Variants in UTRN observed in about 807,000 individuals in gnomAD.
The protein encoded by UTRN is dystrophin-related protein 1.
In UTRN, 283 loss-of-function variants were observed where a neutral mutation model predicts 463.9. That is an observed-to-expected ratio of 0.61 (90% CI 0.55 to 0.67). The LOEUF is 0.67. Among genes scored for constraint, UTRN ranks in the 30% least tolerant of loss-of-function variants. The pLI is 0.00. For missense variants in UTRN, 3,922 were observed against 4,084.3 expected, an observed-to-expected ratio of 0.96 and a Z score of 1.08; for synonymous variants, 1,442 against 1,431.5, an observed-to-expected ratio of 1.01 and a Z score of -0.17.
At chr6:144,408,519 T>C (rs1241135213) in intron 3 of UTRN, among the ~76,000 whole-genome samples, 1 of 152,254 alleles carries the variant, frequency 6.6e-6, no homozygotes, top group Admixed American at 6.5e-5. Context: ...GTAGAAAATA[T>C]GCAAAATTAA....
intron 2 of UTRN, among the ~76,000 whole-genome samples, chr6:144,371,571 C>T (rs1441316825): frequency 6.6e-6 from 1 of 152,200 alleles, no homozygotes; most frequent in Non-Finnish European, 1.5e-5. Context: ...ACCACCACAC[C>T]TGGCTAATTT....
In UTRN at chr6:144,438,309, A is replaced by T. The variant is rs146352097; in HGVS notation, c.1242-436A>T. Among the ~76,000 whole-genome samples the T allele has an allele frequency of 5.4e-3, 828 of 152,330 alleles. 1 individual carries two copies. Among genetic ancestry groups the T allele is most frequent in the Middle Eastern group, 0.01 (3 of 294 alleles). On this transcript the variant is annotated intron_variant, in intron 11 of 74. Transcript: ENST00000367545. Reference sequence around the variant, plus strand: ...TCATAGGGGCAGTTACTTATTTGCAATGTTAAGATTAGCTAAACATTAACT... The same window carrying T: ...TCATAGGGGCAGTTACTTATTTGCATTGTTAAGATTAGCTAAACATTAACT...
Position 144,577,074 on chromosome 6 carries a change from C to T in UTRN, c.7290-25C>T, listed in dbSNP as rs148417521. On this transcript the variant is annotated intron_variant, in intron 50 of 74. Coordinates refer to ENST00000367545, the MANE Select transcript of UTRN (RefSeq NM_007124.3). ...GTCACAACACTGTAAGTAATGGAGCCGTGCTGTCATATTGTTACTTTCAGT... is the reference window on the plus strand; with the variant it reads ...GTCACAACACTGTAAGTAATGGAGCTGTGCTGTCATATTGTTACTTTCAGT... 9,193 of 1,603,006 alleles carry T rather than the reference C, an allele frequency of 5.7e-3. 34 individuals carry two copies. Among genetic ancestry groups the T allele is most frequent in the Admixed American group, 0.011 (647 of 59,768 alleles).
At chr6:144,563,417 G>T (rs889718490) in intron 50 of UTRN, among the ~76,000 whole-genome samples, 2 of 152,142 alleles carry the variant, frequency 1.3e-5, no homozygotes, top group African/African-American at 4.8e-5. Context: ...ACAGTGATCA[G>T]TAGAAGATAC....
At chr6:144,626,788 C>T (rs571847251) in intron 51 of UTRN, among the ~76,000 whole-genome samples, 6 of 152,220 alleles carry the variant, frequency 3.9e-5, no homozygotes, top group African/African-American at 9.6e-5. Flanking sequence ...TACAGGCAAG[C>T]GCCACCACGC....
chr6:144,476,377 G>A (rs556744352), intron 25 of UTRN, among the ~76,000 whole-genome samples: 3 of 152,086 alleles, frequency 2.0e-5, no homozygotes, highest in Admixed American at 1.3e-4. Context: ...GAGGCTTAAC[G>A]AAGTAGTGAT....
chr6:144,836,512 C>T lies in UTRN; in HGVS notation c.10036C>T (p.Leu3346Phe), dbSNP rs1239156154. ...TCACAATAAACAGCTGGAGTCTCAG[C>T]TCCACCGCCTCCGACAGCTGCTGGA... ...EDHNKQLESQLHRLRQLLEQP... is the reference protein window; with the variant it reads ...EDHNKQLESQFHRLRQLLEQP... The change falls in exon 71 of 75, where the codon CTC (leucine) becomes TTC (phenylalanine). Residue 3346 changes from leucine to phenylalanine, a missense_variant. Transcript: ENST00000367545. 1.2e-6 allele frequency: 2 copies of T among 1,613,688 alleles called. No homozygotes were observed. Among genetic ancestry groups the T allele is most frequent in the Admixed American group, 3.3e-5 (2 of 59,996 alleles).
rs770392300 is a variant in UTRN, at chr6:144,485,336, C to T, written c.3688-49C>T. 2.2e-5 allele frequency: 35 copies of T among 1,608,928 alleles called. No homozygotes were observed. In the Middle Eastern group the frequency reaches 5.0e-4, roughly 23 times the overall value. ...AAGAGAATGTGTAGTACTAGAGATACGATGTGTGAAATGGCTTTTTGTCTA... is the reference window on the plus strand; with the variant it reads ...AAGAGAATGTGTAGTACTAGAGATATGATGTGTGAAATGGCTTTTTGTCTA... On this transcript the variant is annotated intron_variant, in intron 27 of 74. Transcript: ENST00000367545.
chr6:144,627,122 T>C (rs1011800394), intron 51 of UTRN, among the ~76,000 whole-genome samples: 3 of 36,120 alleles, frequency 8.3e-5, no homozygotes, highest in African/African-American at 3.4e-4. Context: ...GTTAGGGGGC[T>C]GGGGAGGAGC....
At chr6:144,801,780 C>T (rs1407987510) in intron 64 of UTRN, among the ~76,000 whole-genome samples, 1 of 152,018 alleles carries the variant, frequency 6.6e-6, no homozygotes, top group Admixed American at 6.6e-5. Flanking sequence ...CCACCTGGGC[C>T]CTTAGCTCTG....
At chr6:144,323,650 T>C (rs1775802151) in intron 2 of UTRN, among the ~76,000 whole-genome samples, 1 of 149,014 alleles carries the variant, frequency 6.7e-6, no homozygotes, top group African/African-American at 2.5e-5. Context: ...AAAATTTCTC[T>C]CTTTCTCTTC....
intron 66 of UTRN, among the ~76,000 whole-genome samples, chr6:144,824,084 C>T (rs1281391674): frequency 6.6e-6 from 1 of 152,024 alleles, no homozygotes; most frequent in East Asian, 1.9e-4. Flanking sequence ...GAAGCATTTT[C>T]AAAAGCTTGG....
At chr6:144,548,980 C>G in intron 47 of UTRN, 126 bp downstream of exon 47, 1 of 937,636 alleles carries the variant, frequency 1.1e-6, no homozygotes. Context: ...CTGTATCTGT[C>G]AAACAACCAT....
intron 51 of UTRN, among the ~76,000 whole-genome samples, chr6:144,604,946 C>CA (rs35056128): frequency 0.15 from 23,228 of 150,904 alleles, 2,013 homozygotes; most frequent in South Asian, 0.28. Context: ...AAATAAACGA[C>CA]AAAAAAAAAT....
chr6:144,552,660 T>C (rs1405555167), intron 48 of UTRN, among the ~76,000 whole-genome samples: 1 of 152,206 alleles, frequency 6.6e-6, no homozygotes, highest in Non-Finnish European at 1.5e-5. Context: ...TCATCACTCC[T>C]CATTATATGA....
intron 55 of UTRN, among the ~76,000 whole-genome samples, chr6:144,749,612 C>T (rs1039577911): frequency 3.3e-5 from 5 of 152,108 alleles, no homozygotes; most frequent in East Asian, 3.8e-4. Context: ...TGCTTTATCT[C>T]GAGCCCCTTA....
At chr6:144,640,058 G>GATTGAGAGAC (rs1562693448) in intron 51 of UTRN, among the ~76,000 whole-genome samples, 7 of 151,106 alleles carry the variant, frequency 4.6e-5, no homozygotes, top group African/African-American at 1.5e-4. Flanking sequence ...GAGAGAGAGA[G>GATTGAGAGAC]AGATTGAGAG....
chr6:144,829,550 T>A (rs1443080473), intron 69 of UTRN, among the ~76,000 whole-genome samples: 1 of 152,108 alleles, frequency 6.6e-6, no homozygotes, highest in Admixed American at 6.6e-5. Flanking sequence ...TATTCTTTTT[T>A]TTGTGCCCTG....
chr6:144,298,874 T>A (rs186508255), intron 2 of UTRN, among the ~76,000 whole-genome samples: 73 of 152,326 alleles, frequency 4.8e-4, no homozygotes, highest in Admixed American at 2.0e-3. Flanking sequence ...CTGTATAATT[T>A]CAAAAGTATG....
Sources: allele counts gnomAD v4.1 joint callset (sites outside exome capture counted in the v4.1 genomes callset), GRCh38; gene constraint gnomAD v4.1.1; transcripts MANE v1.5; gene names NCBI Gene and HGNC (gene_info 2026-07-23, HGNC 2026-07-21).